Variants in RAB28 observed in about 807,000 individuals in gnomAD.
RAB28 encodes the protein RAB28, member RAS oncogene family.
RAB28 carries 24 observed loss-of-function variants against 31.7 expected under a neutral mutation model. The ratio of observed to expected loss-of-function variants is 0.76; its 90% CI spans 0.55 to 1.06. The LOEUF is 1.06. RAB28 is among the 50% of genes least tolerant of loss of function. The pLI, the probability that RAB28 is intolerant of heterozygous loss-of-function variation, is 0.00. For synonymous variants in RAB28, 100 were observed against 90.4 expected (o/e 1.11, Z -0.60); for missense variants, 254 against 258.5 (o/e 0.98, Z 0.12).
chr4:13,372,435 C>G (rs1205970261), intron 6 of RAB28, among the ~76,000 whole-genome samples: 1 of 152,108 alleles, frequency 6.6e-6, no homozygotes, highest in Non-Finnish European at 1.5e-5. Flanking sequence ...TCTGTCTTCG[C>G]AATTTCCTAA....
chr4:13,435,189 A>G (rs1168867680), intron 4 of RAB28, among the ~76,000 whole-genome samples: 2 of 151,872 alleles, frequency 1.3e-5, no homozygotes, highest in African/African-American at 2.4e-5. Context: ...ATAAATGAAA[A>G]TAGATAATAT....
intron 4 of RAB28, among the ~76,000 whole-genome samples, chr4:13,406,056 G>T (rs1042412494): frequency 6.6e-6 from 1 of 152,060 alleles, no homozygotes; most frequent in Non-Finnish European, 1.5e-5. Flanking sequence ...GAACATGCAG[G>T]TTTGTTACAC....
chr4:13,404,554 A>G (rs1303352380), intron 4 of RAB28, among the ~76,000 whole-genome samples: 1 of 152,168 alleles, frequency 6.6e-6, no homozygotes, highest in African/African-American at 2.4e-5. Flanking sequence ...AATAATGATC[A>G]GTAAACTATA....
intron 4 of RAB28, among the ~76,000 whole-genome samples, chr4:13,387,743 T>G (rs1229164367): frequency 1.3e-5 from 2 of 152,082 alleles, no homozygotes; most frequent in Non-Finnish European, 2.9e-5. Context: ...GATTGATTCT[T>G]CAATTTCAAA....
At chr4:13,425,789 T>G (rs1467478618) in intron 4 of RAB28, among the ~76,000 whole-genome samples, 1 of 152,188 alleles carries the variant, frequency 6.6e-6, no homozygotes. Flanking sequence ...TGTTTGTTTG[T>G]TTTGGTTTGG....
intron 6 of RAB28, among the ~76,000 whole-genome samples, chr4:13,375,403 T>C (rs1728879069): frequency 6.6e-6 from 1 of 152,170 alleles, no homozygotes; most frequent in South Asian, 2.1e-4. Context: ...ATAAATCACT[T>C]ATGATAATCA....
At chr4:13,434,190 C>T (rs1713969264) in intron 4 of RAB28, among the ~76,000 whole-genome samples, 2 of 152,080 alleles carry the variant, frequency 1.3e-5, no homozygotes, top group African/African-American at 4.8e-5. Flanking sequence ...GGGGTAAAGG[C>T]TGAAAAACTA....
chr4:13,370,931 A>G (rs1728690078), intron 6 of RAB28: 2 of 969,066 alleles, frequency 2.1e-6, no homozygotes, highest in Middle Eastern at 5.2e-4. Flanking sequence ...ACAAATATGT[A>G]TGACACAGAT....
chr4:13,392,413 A>G (rs1289620769), intron 4 of RAB28, among the ~76,000 whole-genome samples: 5 of 152,232 alleles, frequency 3.3e-5, no homozygotes, highest in African/African-American at 1.2e-4. Context: ...CAGAGATGAT[A>G]GATTATATAC....
chr4:13,433,878 C>T (rs1713953309), intron 4 of RAB28, among the ~76,000 whole-genome samples: 1 of 151,916 alleles, frequency 6.6e-6, no homozygotes, highest in Non-Finnish European at 1.5e-5. Context: ...TCATTGAAGC[C>T]CTGTTCACAA....
intron 4 of RAB28, among the ~76,000 whole-genome samples, chr4:13,440,477 T>C (rs1714358405): frequency 6.6e-6 from 1 of 152,156 alleles, no homozygotes; most frequent in African/African-American, 2.4e-5. Context: ...TTAATCACAA[T>C]AATCAATATT....
chr4:13,476,363 T>C (rs1219569731), intron 2 of RAB28, among the ~76,000 whole-genome samples: 2 of 151,518 alleles, frequency 1.3e-5, no homozygotes, highest in Non-Finnish European at 3.0e-5. Context: ...CTGTTATCAG[T>C]GTTTGCCTGT....
rs551385927 is a variant in RAB28, at chr4:13,391,528, C to T, written c.392-9934G>A. Among the ~76,000 whole-genome samples, 6 of 152,240 alleles carry T rather than the reference C, an allele frequency of 3.9e-5. No homozygotes were observed. The South Asian group carries it at 1.2e-3, about 32-fold the overall frequency. ...CTCAAGGATCTAGAACTAGAAATACCATTTGACCCAGTGATCCCACTACTG... is the reference window on the plus strand; with the variant it reads ...CTCAAGGATCTAGAACTAGAAATACTATTTGACCCAGTGATCCCACTACTG... On this transcript the variant is annotated intron_variant, in intron 4 of 6. Coordinates refer to ENST00000330852, the MANE Select transcript of RAB28 (RefSeq NM_001017979.3).
chr4:13,440,030 G>A (rs1714330749), intron 4 of RAB28, among the ~76,000 whole-genome samples: 1 of 152,014 alleles, frequency 6.6e-6, no homozygotes, highest in African/African-American at 2.4e-5. Flanking sequence ...TATTAAATGT[G>A]TCATGACTGC....
chr4:13,387,164 G>A (rs1416297840), intron 4 of RAB28, among the ~76,000 whole-genome samples: 1 of 151,968 alleles, frequency 6.6e-6, no homozygotes, highest in African/African-American at 2.4e-5. Context: ...ATACCTGGGT[G>A]ATGAAAAAAT....
At chr4:13,405,593 T>C (rs1014163258) in intron 4 of RAB28, among the ~76,000 whole-genome samples, 2 of 152,122 alleles carry the variant, frequency 1.3e-5, no homozygotes, top group Admixed American at 1.3e-4. Flanking sequence ...TTGTCAGAAA[T>C]ACAATCAGCA....
chr4:13,407,258 C>T (rs111543375), intron 4 of RAB28, among the ~76,000 whole-genome samples: 14,140 of 152,068 alleles, frequency 0.093, 1,288 homozygotes, highest in African/African-American at 0.24. Context: ...ATTTATTAAA[C>T]AGAGAATCCT....
intron 4 of RAB28, among the ~76,000 whole-genome samples, chr4:13,405,952 G>A (rs151011103): frequency 5.9e-5 from 9 of 152,122 alleles, no homozygotes; most frequent in African/African-American, 2.2e-4. Flanking sequence ...AGAAAACTAT[G>A]GGAAATCCAA....
At chr4:13,459,154 T>C (rs1188516875) in intron 4 of RAB28, among the ~76,000 whole-genome samples, 1 of 151,948 alleles carries the variant, frequency 6.6e-6, no homozygotes, top group African/African-American at 2.4e-5. Flanking sequence ...TTTTGGACTG[T>C]TGGACTTACA....
Sources: allele counts gnomAD v4.1 joint callset (sites outside exome capture counted in the v4.1 genomes callset), GRCh38; gene constraint gnomAD v4.1.1; transcripts MANE v1.5; gene names NCBI Gene and HGNC (gene_info 2026-07-23, HGNC 2026-07-21).